The following SGSM1 variants were observed in gnomAD, a reference collection of about 807,000 sequenced individuals.
SGSM1 encodes small G protein signaling modulator 1.
A neutral mutation model predicts 133.8 loss-of-function variants in SGSM1; 73 were observed. The ratio of observed to expected loss-of-function variants is 0.55; its 90% confidence interval spans 0.45 to 0.66. SGSM1 has a LOEUF of 0.66. SGSM1 is among the 30% of genes least tolerant of loss of function. The probability of loss-of-function intolerance (pLI) is 0.00; values close to 1 mark genes in which losing one functional copy is unlikely to be tolerated. For synonymous variants in SGSM1, 563 were observed against 573.0 expected (o/e 0.98, Z 0.25); for missense variants, 1,213 against 1,448.1 (o/e 0.84, Z 2.64).
chr22:24,898,322 C>G lies in SGSM1; in HGVS notation c.2373C>G (p.Ser791Arg). 6.2e-7 allele frequency: 1 copy of G among 1,613,970 alleles called. No individual in the cohort carries two copies. The highest frequency in any genetic ancestry group is 8.5e-7 in the Non-Finnish European group (1 of 1,179,890). ...AGAGTGACCTCCTGGCCAACGAGAG[C>G]ATGGACGAGTTCATGTCCATCACGG... ...SLESDLLANE[S>R]MDEFMSITGS... Residue 791 changes from serine to arginine, a missense_variant, in exon 19 of 25, where the codon AGC becomes AGG. Transcript: ENST00000400358.
chr22:24,884,972 G>A (rs1717361637), intron 15 of SGSM1, among the ~76,000 whole-genome samples: 1 of 150,980 alleles, frequency 6.6e-6, no homozygotes, highest in Non-Finnish European at 1.5e-5. Flanking sequence ...TTTTTGAGAT[G>A]GAGTTTTGCT....
At chr22:24,842,750 T>C (rs1929878007) in intron 2 of SGSM1, among the ~76,000 whole-genome samples, 1 of 152,144 alleles carries the variant, frequency 6.6e-6, no homozygotes, top group Admixed American at 6.5e-5. Context: ...ATAACGGTGA[T>C]GGGAGGCCAG....
chr22:24,912,966 T>G (rs531846585), intron 22 of SGSM1, among the ~76,000 whole-genome samples: 3 of 152,258 alleles, frequency 2.0e-5, no homozygotes, highest in Non-Finnish European at 4.4e-5. Context: ...CAATAAATTA[T>G]TAGAATTATC....
At chr22:24,851,197 A>G (rs758928956) in intron 5 of SGSM1, among the ~76,000 whole-genome samples, 3 of 152,110 alleles carry the variant, frequency 2.0e-5, no homozygotes, top group Non-Finnish European at 4.4e-5. Context: ...AAAGTTTTAT[A>G]GTGTGAGCCC....
At chr22:24,835,561 A>G (rs1164957403) in intron 2 of SGSM1, among the ~76,000 whole-genome samples, 1 of 152,200 alleles carries the variant, frequency 6.6e-6, no homozygotes, top group Non-Finnish European at 1.5e-5. Flanking sequence ...GTTGGGTACC[A>G]AGTGGGGTGC....
Position 24,901,871 on chromosome 22 carries a change from C to T in SGSM1, c.2649C>T (p.Arg883=). The T allele has an allele frequency of 1.9e-6, 3 of 1,612,312 alleles. No individual in the cohort carries two copies. The highest frequency in any genetic ancestry group is 2.5e-6 in the Non-Finnish European group (3 of 1,179,342). The change falls in exon 20 of 25, where the codon CGC becomes CGT. Residue 883 remains arginine, a synonymous_variant. Coordinates refer to ENST00000400358, the MANE Select transcript of SGSM1 (RefSeq NM_001098497.3). ...LLDLYTVNLH[R]IEKDVQRCDR... ...ATCTGTACACGGTGAACCTGCACCG[C>T]ATCGAGAAGGATGTGCAGAGGTGCG...
At chr22:24,891,488 C>T (rs985148364) in intron 16 of SGSM1, among the ~76,000 whole-genome samples, 1 of 152,156 alleles carries the variant, frequency 6.6e-6, no homozygotes, top group African/African-American at 2.4e-5. Context: ...CAGAAAGTTT[C>T]TGTAGTTCTG....
At chr22:24,894,340 C>G (rs989866722) in intron 17 of SGSM1, among the ~76,000 whole-genome samples, 1 of 152,210 alleles carries the variant, frequency 6.6e-6, no homozygotes, top group African/African-American at 2.4e-5. Context: ...TTGCAGCAAG[C>G]CGAGATTGCA....
rs1293534229 is a variant in SGSM1 at position 24,912,713 on chromosome 22, C to A, written c.2889C>A (p.Ala963=). 2.5e-6 allele frequency: 4 copies of A among 1,613,610 alleles called. No homozygotes were observed. Among genetic ancestry groups the A allele is most frequent in the Non-Finnish European group, 2.5e-6 (3 of 1,179,868 alleles). Residue 963 remains alanine (A), a synonymous_variant, in exon 22 of 25, where the codon GCC becomes GCA. Transcript: ENST00000400358. The part of the protein sequence containing the change: ...RMNQNFPHGG[A]MDTHFANMRS... ...ACCAGAACTTCCCCCACGGAGGCGC[C>A]ATGGACACGCACTTTGCAAACATGA...
intron 18 of SGSM1, among the ~76,000 whole-genome samples, chr22:24,895,572 G>C (rs1932895361): frequency 6.6e-6 from 1 of 152,270 alleles, no homozygotes; most frequent in South Asian, 2.1e-4. Flanking sequence ...CCACTATCAT[G>C]AGTTTGCTGT....
At chr22:24,909,546 C>A (rs139757) in intron 21 of SGSM1, among the ~76,000 whole-genome samples, 54,229 of 151,808 alleles carry the variant, frequency 0.36, 10,107 homozygotes, top group East Asian at 0.64. Flanking sequence ...ACCTCCACCT[C>A]CTGGGTTCAA....
Position 24,811,206 on chromosome 22 carries a change from A to C in SGSM1, c.63+4722A>C, listed in dbSNP as rs181676373. Among the ~76,000 whole-genome samples, 543 of 152,204 alleles carry C rather than the reference A, an allele frequency of 3.6e-3. 17 individuals carry two copies. The South Asian group carries it at 0.037, about 10-fold the overall frequency. On this transcript the variant is annotated intron_variant, in intron 2 of 24. Transcript: ENST00000400358. ...GATGCTGCTCACATTCCTGCAATAC[A>C]CAAGACACCCCCTCAGCCCACCACC...
rs1187358812 is a variant in SGSM1 at position 24,859,800 on chromosome 22, C to T, written c.886C>T (p.Leu296=). 6 of 1,613,826 alleles carry T rather than the reference C, an allele frequency of 3.7e-6. No homozygotes were observed. The highest frequency in any genetic ancestry group is 5.1e-6 in the Non-Finnish European group (6 of 1,179,872). Residue 296 remains leucine (L), a synonymous_variant, in exon 9 of 25, where the codon CTG becomes TTG. Transcript: ENST00000400358. The part of the protein sequence containing the change: ...VMTLKWTPNQ[L]MNGSVGDLDY... ...GACCTTGAAGTGGACACCCAACCAG[C>T]TGATGAACGGGTCTGTGGGGGACCT...
Position 24,868,842 on chromosome 22 carries a change from G to A in SGSM1, c.1278G>A (p.Met426Ile). Reference sequence around the variant, plus strand: ...TGTTCAGGATCATCTACCCTGGCATGCAGTCGGAATTCGGTGAGCTGCCCT... The same window carrying A: ...TGTTCAGGATCATCTACCCTGGCATACAGTCGGAATTCGGTGAGCTGCCCT... Reference protein sequence around the residue: ...DYVFRIIYPGMQSEFVPQDLM... With the variant: ...DYVFRIIYPGIQSEFVPQDLM... Residue 426 changes from methionine to isoleucine, a missense_variant, in exon 12 of 25, where the codon ATG becomes ATA. Coordinates refer to ENST00000400358, the MANE Select transcript of SGSM1 (RefSeq NM_001098497.3). 1 of 1,613,848 alleles carries A rather than the reference G, an allele frequency of 6.2e-7. No individual in the cohort carries two copies.
chr22:24,921,341 C>T (rs113403286), intron 24 of SGSM1, among the ~76,000 whole-genome samples: 4 of 152,292 alleles, frequency 2.6e-5, no homozygotes, highest in African/African-American at 9.6e-5. Flanking sequence ...CTCAGGCGAT[C>T]CGTCTGCCTT....
At chr22:24,822,088 C>CTCT (rs1555920070) in intron 2 of SGSM1, among the ~76,000 whole-genome samples, 41 of 96,122 alleles carry the variant, frequency 4.3e-4, no homozygotes, top group Non-Finnish European at 6.6e-4. Context: ...TCATCTCTCT[C>CTCT]TTTTTTTTTT....
chr22:24,828,164 T>C (rs980605218), intron 2 of SGSM1, among the ~76,000 whole-genome samples: 18 of 151,982 alleles, frequency 1.2e-4, no homozygotes, highest in African/African-American at 4.3e-4. Flanking sequence ...CCTAGCACCT[T>C]GATTTTCAGA....
chr22:24,874,659 A>C (rs1357208511), intron 12 of SGSM1: 2 of 1,460,762 alleles, frequency 1.4e-6, no homozygotes, highest in East Asian at 5.0e-5. Flanking sequence ...TCTGGTCCCA[A>C]GGGAGATGGA....
At chr22:24,867,024 G>A (rs920814500) in intron 9 of SGSM1, 69 bp from the exon 10 acceptor site, 3 of 1,480,060 alleles carry the variant, frequency 2.0e-6, no homozygotes, top group Non-Finnish European at 1.9e-6. Flanking sequence ...TGGTCTGCTG[G>A]CCTCTGAGCC....
Sources: allele counts gnomAD v4.1 joint callset (sites outside exome capture counted in the v4.1 genomes callset), GRCh38; gene constraint gnomAD v4.1.1; transcripts MANE v1.5; gene names NCBI Gene and HGNC (gene_info 2026-07-23, HGNC 2026-07-21).